The following BTAF1 variants were observed in gnomAD, a reference collection of about 807,000 sequenced individuals.
BTAF1 encodes B-TFIID TATA-box binding protein associated factor 1, also known as TATA-binding protein-associated factor 172.
Under a neutral mutation model 227.1 loss-of-function variants are expected in BTAF1, and 38 were observed. That is an observed-to-expected ratio of 0.17 (90% confidence interval 0.13 to 0.22). BTAF1 has a LOEUF of 0.22. BTAF1 is among the 10% of genes least tolerant of loss of function. The pLI is 1.00. For missense variants in BTAF1, 1,598 were observed against 2,204.0 expected, an observed-to-expected ratio of 0.73 and a Z score of 5.51; for synonymous variants, 742 against 751.9, an observed-to-expected ratio of 0.99 and a Z score of 0.21.
chr10:91,995,521 C>G (rs1418597358), intron 23 of BTAF1, among the ~76,000 whole-genome samples: 1 of 151,352 alleles, frequency 6.6e-6, no homozygotes, highest in South Asian at 2.1e-4. Flanking sequence ...ACTAAAAATA[C>G]AAAAATTAGC....
chr10:92,008,768 GT>G (rs1265991755), intron 26 of BTAF1, 60 bp from the exon 27 acceptor site: 3 of 1,434,538 alleles, frequency 2.1e-6, no homozygotes, highest in African/African-American at 2.9e-5. Flanking sequence ...ATAAGAAAAT[GT>G]TTTTATAAGA....
chr10:92,020,976 A>AGATG (rs1851080384), intron 34 of BTAF1, among the ~76,000 whole-genome samples: 1 of 152,200 alleles, frequency 6.6e-6, no homozygotes, highest in African/African-American at 2.4e-5. Context: ...GAAGTCTGCA[A>AGATG]CTTAAAGAGG....
intron 18 of BTAF1, 98 bp from the exon 19 acceptor site, chr10:91,984,103 G>C: frequency 9.6e-7 from 1 of 1,038,888 alleles, no homozygotes; most frequent in Non-Finnish European, 1.4e-6. Flanking sequence ...TTCAGTACAA[G>C]TAAGAATTTA....
At position 91,935,647 on chromosome 10, in the gene BTAF1, G is replaced by A. The variant is rs1844559286; in HGVS notation, c.15-10G>A. The A allele has an allele frequency of 1.2e-6, 2 of 1,610,014 alleles. No individual in the cohort carries two copies. The highest frequency in any genetic ancestry group is 1.7e-6 in the Non-Finnish European group (2 of 1,178,214). On this transcript the variant is annotated splice_polypyrimidine_tract_variant and intron_variant, in intron 1 of 37. Transcript: ENST00000265990. ...ATTTGAGAATAACCATTGTATTTTT[G>A]TTATTTCAGGCTAGATCGCCTTTTT...
At chr10:91,996,346 T>A in intron 23 of BTAF1, 23 bp from the exon 24 acceptor site, 1 of 1,598,086 alleles carries the variant, frequency 6.3e-7, no homozygotes, top group Non-Finnish European at 8.6e-7. Context: ...TAATTCTAAT[T>A]GCCATTAACT....
At position 92,008,985 on chromosome 10, in the gene BTAF1, G is replaced by A. The variant is rs184699233; in HGVS notation, c.3935+35G>A. 41 of 1,611,850 alleles carry A rather than the reference G, an allele frequency of 2.5e-5. No homozygotes were observed. The East Asian group carries it at 6.2e-4, about 25-fold the overall frequency. ...GATGTTATTTTAAAATAAGGTTTCC[G>A]GATTTGGAGAAATGTAAACAAGCTG... On this transcript the variant is annotated intron_variant, in intron 27 of 37. Coordinates refer to ENST00000265990, the MANE Select transcript of BTAF1 (RefSeq NM_003972.3).
At chr10:92,000,354 T>C (rs1296421970) in intron 25 of BTAF1, among the ~76,000 whole-genome samples, 1 of 152,212 alleles carries the variant, frequency 6.6e-6, no homozygotes, top group Non-Finnish European at 1.5e-5. Context: ...ACAAAGGAGA[T>C]GATGACCGCA....
At chr10:92,015,875 T>C (rs1480711449) in intron 32 of BTAF1, among the ~76,000 whole-genome samples, 1 of 152,168 alleles carries the variant, frequency 6.6e-6, no homozygotes, top group Non-Finnish European at 1.5e-5. Context: ...ATGTTCCCCT[T>C]TTAGGCTAGC....
At chr10:91,962,967 G>A (rs1348015278) in intron 12 of BTAF1, among the ~76,000 whole-genome samples, 1 of 151,196 alleles carries the variant, frequency 6.6e-6, no homozygotes, top group Non-Finnish European at 1.5e-5. Flanking sequence ...TTGGATTTTT[G>A]TTTGTTTTGA....
chr10:91,984,086 A>T, intron 18 of BTAF1, 115 bp from the exon 19 acceptor site: 1 of 863,684 alleles, frequency 1.2e-6, no homozygotes, highest in East Asian at 2.7e-5. Flanking sequence ...AAGTAACAGA[A>T]TATAGATTCA....
intron 1 of BTAF1, among the ~76,000 whole-genome samples, chr10:91,933,494 A>G (rs1844404439): frequency 6.6e-6 from 1 of 152,218 alleles, no homozygotes. Context: ...TATTAAGAGT[A>G]TTAAGAATAG....
intron 1 of BTAF1, among the ~76,000 whole-genome samples, chr10:91,928,728 C>T (rs1844039239): frequency 6.6e-6 from 1 of 151,394 alleles, no homozygotes; most frequent in South Asian, 2.1e-4. Flanking sequence ...CGCAGCACTG[C>T]ACTCCAGCCT....
intron 14 of BTAF1, among the ~76,000 whole-genome samples, chr10:91,979,409 C>T (rs1454091589): frequency 6.6e-6 from 1 of 152,086 alleles, no homozygotes; most frequent in Non-Finnish European, 1.5e-5. Flanking sequence ...CCTTTTAAAA[C>T]TTGTTTCAAA....
intron 1 of BTAF1, among the ~76,000 whole-genome samples, chr10:91,930,534 G>A (rs915283198): frequency 6.6e-6 from 1 of 152,102 alleles, no homozygotes; most frequent in African/African-American, 2.4e-5. Flanking sequence ...GATTCTTAGT[G>A]TTCTGTGTGA....
chr10:91,927,869 C>T (rs2133756121), intron 1 of BTAF1, among the ~76,000 whole-genome samples: 1 of 152,142 alleles, frequency 6.6e-6, no homozygotes, highest in East Asian at 1.9e-4. Context: ...TTAGGGACAA[C>T]ATTGTTCTCT....
chr10:92,011,186 C>T, intron 29 of BTAF1, 36 bp downstream of exon 29: 1 of 1,527,246 alleles, frequency 6.5e-7, no homozygotes, highest in Non-Finnish European at 8.9e-7. Flanking sequence ...AAATTAATAT[C>T]AAATTTGAAG....
At chr10:91,936,875 T>G (rs1176543722) in intron 2 of BTAF1, among the ~76,000 whole-genome samples, 2 of 152,176 alleles carry the variant, frequency 1.3e-5, no homozygotes, top group African/African-American at 4.8e-5. Flanking sequence ...AGTTCTGGTC[T>G]TCTTCACTCA....
At chr10:91,978,898 C>T (rs1847890881) in intron 14 of BTAF1, among the ~76,000 whole-genome samples, 1 of 135,288 alleles carries the variant, frequency 7.4e-6, no homozygotes, top group Non-Finnish European at 1.5e-5. Flanking sequence ...ACTTATGTCA[C>T]GGGGGTTTGT....
At chr10:91,924,373 C>T (rs1843685240) in intron 1 of BTAF1, among the ~76,000 whole-genome samples, 18 of 152,142 alleles carry the variant, frequency 1.2e-4, no homozygotes, top group Admixed American at 1.2e-3. Flanking sequence ...GGTTTCTCTT[C>T]CCTCTTTCGA....
Sources: allele counts gnomAD v4.1 joint callset (sites outside exome capture counted in the v4.1 genomes callset), GRCh38; gene constraint gnomAD v4.1.1; transcripts MANE v1.5; gene names NCBI Gene and HGNC (gene_info 2026-07-23, HGNC 2026-07-21).